The following KARS1 variants were observed in gnomAD, a reference collection of about 807,000 sequenced individuals.
KARS1 encodes the protein lysine--tRNA ligase.
In KARS1, 50 loss-of-function variants were observed where a neutral mutation model predicts 63.9. The ratio of observed to expected loss-of-function variants is 0.78; its 90% confidence interval spans 0.62 to 0.99. KARS1 has a LOEUF of 0.99. KARS1 is among the 50% of genes least tolerant of loss of function. The pLI is 0.00. For missense variants in KARS1, 816 were observed against 754.5 expected (o/e 1.08, Z -0.95); for synonymous variants, 320 against 264.6 (o/e 1.21, Z -2.03).
At chr16:75,637,909 A>AAAC (rs1160125471) in intron 3 of KARS1, among the ~76,000 whole-genome samples, 5 of 151,572 alleles carry the variant, frequency 3.3e-5, no homozygotes, top group Admixed American at 6.6e-5. Context: ...CCAAAAAAAA[A>AAAC]AAAAAAAAGA....
intron 3 of KARS1, among the ~76,000 whole-genome samples, chr16:75,638,306 T>C (rs2082186746): frequency 6.6e-6 from 1 of 152,120 alleles, no homozygotes; most frequent in South Asian, 2.1e-4. Flanking sequence ...CCATGGTGGT[T>C]TGCTGTACCT....
intron 1 of KARS1, among the ~76,000 whole-genome samples, chr16:75,646,997 C>G (rs1014914480): frequency 6.6e-6 from 1 of 152,152 alleles, no homozygotes; most frequent in Non-Finnish European, 1.5e-5. Context: ...GAGTGGTTAA[C>G]AAAGATATCA....
chr16:75,635,268 T>C, intron 6 of KARS1: 1 of 311,418 alleles, frequency 3.2e-6, no homozygotes. Context: ...AGGATACATA[T>C]CAAACTCAAG....
At position 75,634,288 on chromosome 16, in the gene KARS1, T is replaced by C; in HGVS notation, c.800A>G (p.Glu267Gly). 1 of 1,614,010 alleles carries C rather than the reference T, an allele frequency of 6.2e-7. No homozygotes were observed. Among genetic ancestry groups the C allele is most frequent in the Non-Finnish European group, 8.5e-7 (1 of 1,179,934 alleles). Residue 267 changes from glutamate to glycine, a missense_variant, in exon 7 of 14, where the codon GAA becomes GGA. Coordinates refer to ENST00000302445, the MANE Select transcript of KARS1 (RefSeq NM_005548.3). ...TGGGATGATGTTCATCATGGGAGTT[T>C]CAATCTAAAAAAGGCAGGGAGAAAC... ...FLDELGFLEI[E>G]TPMMNIIPGG...
At chr16:75,634,327 T>C (rs2151804334) in intron 6 of KARS1, 35 bp from the exon 7 acceptor site, 1 of 1,611,518 alleles carries the variant, frequency 6.2e-7, no homozygotes, top group South Asian at 1.1e-5. Context: ...AGTCCTTAGA[T>C]AACCAGAGGC....
At chr16:75,641,811 C>A (rs756797890) in intron 1 of KARS1, 88 bp from the exon 2 acceptor site, 2 of 1,396,340 alleles carry the variant, frequency 1.4e-6, no homozygotes, top group South Asian at 2.3e-5. Flanking sequence ...AAACATGAAT[C>A]GCCCAGGAGA....
chr16:75,637,736 G>A (rs1289235254), intron 3 of KARS1, among the ~76,000 whole-genome samples: 8 of 150,008 alleles, frequency 5.3e-5, no homozygotes, highest in African/African-American at 2.0e-4. Flanking sequence ...CTGAGATCAC[G>A]GCATTGCACT....
rs570980051 is a variant in KARS1, at chr16:75,640,440, G to A, written c.223-91C>T. On this transcript the variant is annotated intron_variant, in intron 2 of 13. Coordinates refer to ENST00000302445, the MANE Select transcript of KARS1 (RefSeq NM_005548.3). Reference sequence around the variant, plus strand: ...TAGCAGAGGGCAGTATTCTGCCCCCGAGTGACCCCAATACATTGTTTTCTT... The same window carrying A: ...TAGCAGAGGGCAGTATTCTGCCCCCAAGTGACCCCAATACATTGTTTTCTT... 1.3e-5 allele frequency: 15 copies of A among 1,170,634 alleles called. No homozygotes were observed. The East Asian group carries it at 1.4e-4, about 11-fold the overall frequency. 72.5% of individuals were successfully genotyped at this position (1,170,634 alleles called of 1,614,324 possible).
chr16:75,638,993 C>G (rs1208463368), intron 3 of KARS1, among the ~76,000 whole-genome samples: 1 of 151,214 alleles, frequency 6.6e-6, no homozygotes, highest in Non-Finnish European at 1.5e-5. Flanking sequence ...CATGGTGAAA[C>G]TCCGTCTCTA....
intron 3 of KARS1, among the ~76,000 whole-genome samples, chr16:75,638,435 T>C (rs905120162): frequency 5.9e-5 from 9 of 152,112 alleles, no homozygotes; most frequent in African/African-American, 2.2e-4. Flanking sequence ...CCTCCCTGTG[T>C]CCATGTGTTC....
intron 1 of KARS1, chr16:75,644,307 T>G: frequency 6.2e-7 from 1 of 1,605,048 alleles, no homozygotes; most frequent in Non-Finnish European, 8.5e-7. Context: ...AAATGACTTG[T>G]CCTTGTGAGG....
intron 3 of KARS1, among the ~76,000 whole-genome samples, chr16:75,637,999 A>G (rs969618020): frequency 3.3e-5 from 5 of 152,118 alleles, no homozygotes; most frequent in African/African-American, 7.2e-5. Flanking sequence ...ACATGCCACA[A>G]AAACAAGAGG....
At chr16:75,643,051 C>A (rs1380185356) in intron 1 of KARS1, among the ~76,000 whole-genome samples, 1 of 152,190 alleles carries the variant, frequency 6.6e-6, no homozygotes, top group Non-Finnish European at 1.5e-5. Flanking sequence ...ACTCTTGATA[C>A]TTATCACTTG....
chr16:75,644,183 C>T, intron 1 of KARS1: 1 of 1,059,148 alleles, frequency 9.4e-7, no homozygotes, highest in Non-Finnish European at 1.4e-6. Context: ...GTTTCCTTAG[C>T]AACAAGTCCA....
At chr16:75,641,961 C>G (rs544391957) in intron 1 of KARS1, among the ~76,000 whole-genome samples, 57 of 152,234 alleles carry the variant, frequency 3.7e-4, no homozygotes, top group African/African-American at 1.3e-3. Flanking sequence ...CTCTCAGTCT[C>G]TGCTTGCCAG....
intron 3 of KARS1, chr16:75,639,818 C>A: frequency 5.7e-6 from 1 of 175,466 alleles, no homozygotes. Context: ...AAAAGAAGAT[C>A]TCACCCAAGA....
In KARS1 at chr16:75,636,230, C is replaced by A. The variant is rs2289064; in HGVS notation, c.483-132G>T. ...CCAAGAAGGACGTCAGATTCAGGGG[C>A]CACTATTAAAAAAGGACTATCCTTT... On this transcript the variant is annotated intron_variant, in intron 4 of 13. Transcript: ENST00000302445. 50,715 of 711,118 alleles carry A rather than the reference C, an allele frequency of 0.071. 2,067 individuals carry two copies. The highest frequency in any genetic ancestry group is 0.086 in the Non-Finnish European group (34,823 of 404,678). The allele number at this position is 711,118 out of a possible 1,614,324, so 44.1% of individuals were successfully genotyped here.
rs777870101 is a variant in KARS1 at position 75,636,093 on chromosome 16, T to A, written c.488A>T (p.Tyr163Phe). 4 of 1,563,484 alleles carry A rather than the reference T, an allele frequency of 2.6e-6. No individual in the cohort carries two copies. The highest frequency in any genetic ancestry group is 3.5e-6 in the Non-Finnish European group (4 of 1,134,742). The change falls in exon 5 of 14, where the codon TAT becomes TTT. Residue 163 changes from tyrosine to phenylalanine, a missense_variant. Coordinates refer to ENST00000302445, the MANE Select transcript of KARS1 (RefSeq NM_005548.3). ...KLQVMANSRNYKSEEEFIHIN... is the reference protein window; with the variant it reads ...KLQVMANSRNFKSEEEFIHIN... ...ATGAATAAATTCTTCTTCTGATTTA[T>A]AATTTCTGAGTGAAAAAGAAATGTA... is the stretch of plus-strand genomic sequence containing the variant.
intron 6 of KARS1, 83 bp downstream of exon 6, chr16:75,635,597 C>T (rs2082152555): frequency 6.2e-6 from 9 of 1,457,980 alleles, no homozygotes; most frequent in South Asian, 1.2e-5. Context: ...ACACAGGATA[C>T]GCTTTGGAAA....
Sources: gnomAD v4.1 joint callset for allele counts (sites outside exome capture counted in the v4.1 genomes callset) on GRCh38, gnomAD v4.1.1 for gene constraint, MANE v1.5 for transcripts, NCBI Gene and HGNC (gene_info 2026-07-23, HGNC 2026-07-21) for gene names.